The following SHB variants were observed in gnomAD, a reference collection of about 807,000 sequenced individuals.
SHB encodes the protein SH2 domain containing adaptor protein B, also known as SH2 domain-containing adapter protein B.
In SHB, 20 loss-of-function variants were observed where a neutral mutation model predicts 52.3. The ratio of observed to expected loss-of-function variants is 0.38; its 90% CI spans 0.27 to 0.56. The LOEUF is 0.56. Among genes scored for constraint, SHB ranks in the 20% least tolerant of loss-of-function variants. SHB has a pLI of 0.71. For synonymous variants in SHB, 397 were observed against 316.5 expected (o/e 1.25, Z -2.70); for missense variants, 825 against 723.3 (o/e 1.14, Z -1.61).
At chr9:37,939,478 CT>C (rs1011005083) in intron 5 of SHB, among the ~76,000 whole-genome samples, 2 of 152,252 alleles carry the variant, frequency 1.3e-5, no homozygotes, top group African/African-American at 4.8e-5. Flanking sequence ...CTAGACTCTT[CT>C]ATTTGGGTCA....
At chr9:38,010,766 G>T (rs1004129329) in intron 2 of SHB, among the ~76,000 whole-genome samples, 1 of 152,216 alleles carries the variant, frequency 6.6e-6, no homozygotes, top group Non-Finnish European at 1.5e-5. Context: ...CAGGTTATTT[G>T]GTGTAGTCTC....
At chr9:37,926,312 A>G (rs1248072386) in intron 5 of SHB, among the ~76,000 whole-genome samples, 2 of 150,878 alleles carry the variant, frequency 1.3e-5, no homozygotes, top group Non-Finnish European at 2.9e-5. Context: ...ACATTTTGCT[A>G]GGTCTATGCC....
At chr9:37,985,933 G>A (rs916294230) in intron 2 of SHB, among the ~76,000 whole-genome samples, 1 of 152,240 alleles carries the variant, frequency 6.6e-6, no homozygotes, top group African/African-American at 2.4e-5. Flanking sequence ...AAACAGAGAG[G>A]CAAGAGTTAT....
At chr9:38,022,125 A>C (rs1334653744) in intron 1 of SHB, among the ~76,000 whole-genome samples, 3 of 152,152 alleles carry the variant, frequency 2.0e-5, no homozygotes, top group Non-Finnish European at 2.9e-5. Flanking sequence ...TAATTTCCTT[A>C]ACAGTTTGGG....
intron 1 of SHB, among the ~76,000 whole-genome samples, chr9:38,064,311 C>T (rs1452196924): frequency 6.6e-6 from 1 of 152,160 alleles, no homozygotes; most frequent in East Asian, 1.9e-4. Context: ...GGCTCAACAA[C>T]CTTCAAGGTC....
intron 3 of SHB, among the ~76,000 whole-genome samples, chr9:37,967,305 T>C (rs1820538460): frequency 6.6e-6 from 1 of 152,216 alleles, no homozygotes. Context: ...AGATGATTCA[T>C]AGTTGTTTAG....
chr9:38,023,177 A>G (rs1483833036), intron 1 of SHB, among the ~76,000 whole-genome samples: 1 of 152,250 alleles, frequency 6.6e-6, no homozygotes, highest in Non-Finnish European at 1.5e-5. Flanking sequence ...ACAGAAAGGC[A>G]GCTGGCAGTG....
chr9:38,015,543 G>T, intron 2 of SHB: 1 of 694,178 alleles, frequency 1.4e-6, no homozygotes, highest in Non-Finnish European at 2.6e-6. Flanking sequence ...TTCTCGGGAT[G>T]CGGCCAGAAA....
chr9:37,985,294 G>C (rs991098754), intron 2 of SHB, among the ~76,000 whole-genome samples: 1 of 152,246 alleles, frequency 6.6e-6, no homozygotes, highest in Admixed American at 6.5e-5. Context: ...GTCTGTACAA[G>C]GACAGGGTCT....
At chr9:37,947,181 G>A (rs1832502473) in intron 5 of SHB, among the ~76,000 whole-genome samples, 2 of 152,330 alleles carry the variant, frequency 1.3e-5, no homozygotes, top group African/African-American at 4.8e-5. Context: ...GCAGGCACCA[G>A]CAGCCTAGAG....
rs567279595 is a variant in SHB, at chr9:37,965,903, C to T, written c.1054+8719G>A. Among the ~76,000 whole-genome samples, 51 of 152,260 alleles carry T rather than the reference C, an allele frequency of 3.3e-4. No homozygotes were observed. In the South Asian group the frequency reaches 0.01, roughly 31 times the overall value. On this transcript the variant is annotated intron_variant, in intron 3 of 5. Coordinates refer to ENST00000377707, the MANE Select transcript of SHB (RefSeq NM_003028.3). The stretch of plus-strand genomic sequence containing the variant: ...ACAGTGAGTGCTCATAGATGTATCA[C>T]TGTGGTTACTGTGGTTGTTTTTGAG...
At chr9:37,962,813 T>C (rs1185627080) in intron 3 of SHB, among the ~76,000 whole-genome samples, 1 of 152,176 alleles carries the variant, frequency 6.6e-6, no homozygotes, top group African/African-American at 2.4e-5. Context: ...ATGCCTGGCC[T>C]AGCTTACTCT....
At chr9:37,970,439 GGGAA>G (rs1395571413) in intron 3 of SHB, among the ~76,000 whole-genome samples, 2 of 152,212 alleles carry the variant, frequency 1.3e-5, no homozygotes, top group Non-Finnish European at 2.9e-5. Context: ...CTGATGAGAT[GGGAA>G]GGAAGGCGCT....
rs1821882729 is a variant in SHB, at chr9:38,060,858, C to T, written c.717+7071G>A. Among the ~76,000 whole-genome samples, 3 of 152,310 alleles carry T rather than the reference C, an allele frequency of 2.0e-5. 1 individual carries two copies. In the South Asian group the frequency reaches 6.2e-4, roughly 32 times the overall value. ...CTGACATACAGATGTGGGTTTCAAC[C>T]TTGGTTCCTGTGTCCTCAACCAAAA... On this transcript the variant is annotated intron_variant, in intron 1 of 5. Transcript: ENST00000377707.
chr9:38,004,663 G>A lies in SHB; in HGVS notation c.838+11348C>T, dbSNP rs150954108. Reference sequence around the variant, plus strand: ...GCCCACTAGGGCAGCATGAAGACTTGGAAGGCCCCCGACCTGGTGAGGAGT... The same window carrying A: ...GCCCACTAGGGCAGCATGAAGACTTAGAAGGCCCCCGACCTGGTGAGGAGT... On this transcript the variant is annotated intron_variant, in intron 2 of 5. Transcript: ENST00000377707. Among the ~76,000 whole-genome samples the A allele has an allele frequency of 1.5e-4, 23 of 152,336 alleles. No individual in the cohort carries two copies. In the East Asian group the frequency reaches 3.5e-3, roughly 23 times the overall value.
At chr9:37,943,188 T>C (rs1175988670) in intron 5 of SHB, among the ~76,000 whole-genome samples, 1 of 152,138 alleles carries the variant, frequency 6.6e-6, no homozygotes, top group Non-Finnish European at 1.5e-5. Context: ...CAGCCTGCCT[T>C]TTCTCCCCTG....
intron 4 of SHB, among the ~76,000 whole-genome samples, chr9:37,950,987 G>A (rs1295930234): frequency 1.3e-5 from 2 of 152,208 alleles, no homozygotes; most frequent in African/African-American, 4.8e-5. Flanking sequence ...GTGCCTCTGA[G>A]AGTTCCGGCA....
chr9:37,980,628 C>T (rs1820713617), intron 2 of SHB, among the ~76,000 whole-genome samples: 1 of 152,176 alleles, frequency 6.6e-6, no homozygotes, highest in Non-Finnish European at 1.5e-5. Context: ...GCTTCTAGAA[C>T]AGTAAATCTT....
At chr9:38,038,264 G>C (rs1402340374) in intron 1 of SHB, among the ~76,000 whole-genome samples, 1 of 152,162 alleles carries the variant, frequency 6.6e-6, no homozygotes, top group South Asian at 2.1e-4. Flanking sequence ...CCAGACTTAA[G>C]AGCACCACAA....
Sources: allele counts gnomAD v4.1 joint callset (sites outside exome capture counted in the v4.1 genomes callset), GRCh38; gene constraint gnomAD v4.1.1; transcripts MANE v1.5; gene names NCBI Gene and HGNC (gene_info 2026-07-23, HGNC 2026-07-21).